STXBP5L: variants seen among roughly 807,000 people sequenced by gnomAD.
STXBP5L encodes the protein syntaxin binding protein 5L, also known as syntaxin-binding protein 5-like.
In STXBP5L, 65 loss-of-function variants were observed where a neutral mutation model predicts 144.5. The observed-to-expected ratio is 0.45, with a 90% CI of 0.37 to 0.55. STXBP5L has a LOEUF of 0.55. Among genes scored for constraint, STXBP5L ranks in the 20% least tolerant of loss-of-function variants. The pLI, the probability that STXBP5L is intolerant of heterozygous loss-of-function variation, is 0.00. For synonymous variants in STXBP5L, 505 were observed against 469.6 expected (o/e 1.08, Z -0.97); for missense variants, 1,298 against 1,405.5 (o/e 0.92, Z 1.22).
At chr3:121,348,396 A>G (rs1020555511) in intron 20 of STXBP5L, among the ~76,000 whole-genome samples, 1 of 152,104 alleles carries the variant, frequency 6.6e-6, no homozygotes, top group African/African-American at 2.4e-5. Context: ...GATGTTCATC[A>G]GGGATATTGG....
chr3:120,961,563 G>A (rs1938820746), intron 3 of STXBP5L, among the ~76,000 whole-genome samples: 1 of 152,076 alleles, frequency 6.6e-6, no homozygotes, highest in African/African-American at 2.4e-5. Flanking sequence ...TGAGAATGCT[G>A]GTTTCCAGCT....
intron 7 of STXBP5L, among the ~76,000 whole-genome samples, chr3:121,149,376 C>T (rs1293766660): frequency 6.6e-6 from 1 of 151,922 alleles, no homozygotes; most frequent in Non-Finnish European, 1.5e-5. Context: ...AATTCAGGAT[C>T]TTATTTAATG....
chr3:120,987,173 A>G (rs968668031), intron 3 of STXBP5L, among the ~76,000 whole-genome samples: 8 of 151,978 alleles, frequency 5.3e-5, no homozygotes, highest in Admixed American at 4.6e-4. Context: ...TCCTGAAAGC[A>G]CATTTAATTT....
chr3:121,380,032 C>T (rs922566194), intron 21 of STXBP5L, among the ~76,000 whole-genome samples: 36 of 152,038 alleles, frequency 2.4e-4, no homozygotes, highest in Non-Finnish European at 2.2e-4. Context: ...CAGTGTCTCA[C>T]TAAGTTGCCC....
At chr3:121,366,821 T>G (rs2045877218) in intron 20 of STXBP5L, among the ~76,000 whole-genome samples, 1 of 152,120 alleles carries the variant, frequency 6.6e-6, no homozygotes, top group Admixed American at 6.6e-5. Flanking sequence ...GTACTCCATT[T>G]TTTTATTACT....
intron 2 of STXBP5L, among the ~76,000 whole-genome samples, chr3:120,950,513 A>G (rs1711145944): frequency 6.6e-6 from 1 of 151,860 alleles, no homozygotes; most frequent in Non-Finnish European, 1.5e-5. Context: ...TTGGATATCT[A>G]TTTAAATTTT....
intron 20 of STXBP5L, among the ~76,000 whole-genome samples, chr3:121,375,543 T>C (rs964901820): frequency 1.4e-4 from 21 of 152,296 alleles, no homozygotes; most frequent in African/African-American, 4.8e-4. Flanking sequence ...TTCTTCATCT[T>C]CAAAATCAGG....
chr3:121,347,494 A>G (rs886125369), intron 20 of STXBP5L, among the ~76,000 whole-genome samples: 1 of 152,190 alleles, frequency 6.6e-6, no homozygotes, highest in Non-Finnish European at 1.5e-5. Flanking sequence ...TTCTGTGAAG[A>G]AAGTCATTTG....
At chr3:121,012,405 G>A (rs981295131) in intron 3 of STXBP5L, among the ~76,000 whole-genome samples, 9 of 151,666 alleles carry the variant, frequency 5.9e-5, no homozygotes, top group African/African-American at 1.9e-4. Flanking sequence ...ATTCCAAAAA[G>A]GTTGCATGGT....
chr3:121,225,405 C>A (rs2049091626), intron 11 of STXBP5L, among the ~76,000 whole-genome samples: 1 of 151,972 alleles, frequency 6.6e-6, no homozygotes, highest in Non-Finnish European at 1.5e-5. Flanking sequence ...ATTTCTGAGG[C>A]CAGATCTCCT....
chr3:121,113,150 C>T (rs1295864570), intron 5 of STXBP5L, among the ~76,000 whole-genome samples: 1 of 152,132 alleles, frequency 6.6e-6, no homozygotes, highest in Non-Finnish European at 1.5e-5. Context: ...ATTACTGAAA[C>T]CTGGTAGTTC....
intron 10 of STXBP5L, among the ~76,000 whole-genome samples, chr3:121,206,811 C>T (rs1160741170): frequency 6.6e-6 from 1 of 151,798 alleles, no homozygotes; most frequent in Non-Finnish European, 1.5e-5. Flanking sequence ...GAGACTCTGT[C>T]TCAAAAAGAA....
intron 14 of STXBP5L, among the ~76,000 whole-genome samples, chr3:121,249,688 T>G (rs967648552): frequency 6.6e-6 from 1 of 152,130 alleles, no homozygotes; most frequent in Non-Finnish European, 1.5e-5. Flanking sequence ...TTCTTTTTCT[T>G]CCCTATTTCA....
intron 18 of STXBP5L, among the ~76,000 whole-genome samples, chr3:121,278,189 A>C (rs2050943180): frequency 6.6e-6 from 1 of 151,976 alleles, no homozygotes; most frequent in South Asian, 2.1e-4. Flanking sequence ...AACACAGAAC[A>C]TTTGTGAAAT....
chr3:120,978,952 T>C (rs1452378115), intron 3 of STXBP5L, among the ~76,000 whole-genome samples: 1 of 152,174 alleles, frequency 6.6e-6, no homozygotes, highest in Admixed American at 6.5e-5. Flanking sequence ...CAGTCTGCCC[T>C]TACTGGGGGG....
In STXBP5L at chr3:120,975,772, A is replaced by G. The variant is rs1248122980; in HGVS notation, c.287+20735A>G. On this transcript the variant is annotated intron_variant, in intron 3 of 26. Coordinates refer to ENST00000471454, the MANE Select transcript of STXBP5L (RefSeq NM_001308330.2). Reference sequence around the variant, plus strand: ...GCATGAAGAGTTGTTGAATTTTGTCAAAGGCCTTTTCTGCATCTATTGAGA... The same window carrying G: ...GCATGAAGAGTTGTTGAATTTTGTCGAAGGCCTTTTCTGCATCTATTGAGA... 1.1e-4 allele frequency among the ~76,000 whole-genome samples: 17 copies of G among 152,236 alleles called. No individual in the cohort carries two copies. The East Asian group carries it at 3.3e-3, about 29-fold the overall frequency.
chr3:121,331,020 G>A (rs566889115), intron 20 of STXBP5L, among the ~76,000 whole-genome samples: 14 of 152,184 alleles, frequency 9.2e-5, no homozygotes, highest in South Asian at 2.1e-4. Flanking sequence ...ATCCTGAAGC[G>A]TGGCAGCCCC....
chr3:121,080,715 C>T (rs2042215451), intron 5 of STXBP5L, among the ~76,000 whole-genome samples: 1 of 152,156 alleles, frequency 6.6e-6, no homozygotes, highest in African/African-American at 2.4e-5. Flanking sequence ...TGCTGTTAAC[C>T]TTATAGGTTT....
intron 3 of STXBP5L, among the ~76,000 whole-genome samples, chr3:120,998,468 G>C (rs2108021622): frequency 6.6e-6 from 1 of 152,102 alleles, no homozygotes; most frequent in East Asian, 1.9e-4. Flanking sequence ...GTGCCATGGT[G>C]GTTTGCTGCA....
Sources: allele counts gnomAD v4.1 joint callset (sites outside exome capture counted in the v4.1 genomes callset), GRCh38; gene constraint gnomAD v4.1.1; transcripts MANE v1.5; gene names NCBI Gene and HGNC (gene_info 2026-07-23, HGNC 2026-07-21).